Variants in ZNF385D observed in about 807,000 individuals in gnomAD.
ZNF385D encodes zinc finger protein 385D.
Under a neutral mutation model 35.8 loss-of-function variants are expected in ZNF385D, and 15 were observed. The observed-to-expected ratio is 0.42, with a 90% CI of 0.28 to 0.64. The LOEUF is 0.64. ZNF385D is among the 30% of genes least tolerant of loss of function. The probability of loss-of-function intolerance (pLI) is 0.23; values close to 1 mark genes in which losing one functional copy is unlikely to be tolerated. For missense variants in ZNF385D, 474 were observed against 494.6 expected, an observed-to-expected ratio of 0.96 and a Z score of 0.39; for synonymous variants, 212 against 186.8, an observed-to-expected ratio of 1.13 and a Z score of -1.10.
rs184526800 is a variant in ZNF385D at position 22,368,687 on chromosome 3, T to C, written c.106+3763A>G. On this transcript the variant is annotated intron_variant, in intron 2 of 5. Transcript: ENST00000494108. ...AAGGGTCCTCATCTCTTCCTCATCT[T>C]ATAAGAGCACTAATCCCATTACAGG... Among the ~76,000 whole-genome samples, 744 of 152,274 alleles carry C rather than the reference T, an allele frequency of 4.9e-3. 4 individuals are homozygous for C. The highest frequency in any genetic ancestry group is 7.7e-3 in the Non-Finnish European group (523 of 68,012).
At chr3:21,463,916 A>G (rs1703340728) in intron 4 of ZNF385D, among the ~76,000 whole-genome samples, 2 of 151,868 alleles carry the variant, frequency 1.3e-5, no homozygotes, top group African/African-American at 4.8e-5. Flanking sequence ...CATATGCAAC[A>G]GGAATAAGAA....
chr3:21,426,486 T>A (rs1701032669), intron 5 of ZNF385D, among the ~76,000 whole-genome samples: 1 of 152,222 alleles, frequency 6.6e-6, no homozygotes, highest in African/African-American at 2.4e-5. Flanking sequence ...ATACTGTTCA[T>A]AATGGCAGTT....
intron 2 of ZNF385D, among the ~76,000 whole-genome samples, chr3:21,625,895 T>A (rs73819365): frequency 6.6e-6 from 1 of 152,082 alleles, no homozygotes; most frequent in Non-Finnish European, 1.5e-5. Context: ...GATTTGAAAT[T>A]ATCATTCAAA....
chr3:21,992,760 A>C (rs986280242), intron 3 of ZNF385D, among the ~76,000 whole-genome samples: 1 of 152,190 alleles, frequency 6.6e-6, no homozygotes, highest in Non-Finnish European at 1.5e-5. Context: ...TGGCTGTTTC[A>C]TAATTGATTT....
chr3:21,885,279 T>A (rs1184519740), intron 3 of ZNF385D, among the ~76,000 whole-genome samples: 2 of 152,104 alleles, frequency 1.3e-5, no homozygotes, highest in East Asian at 3.8e-4. Flanking sequence ...TCATTCTTCC[T>A]TTACTTGCTA....
intron 3 of ZNF385D, among the ~76,000 whole-genome samples, chr3:22,156,865 C>G (rs1010074271): frequency 1.3e-5 from 2 of 152,114 alleles, no homozygotes; most frequent in Non-Finnish European, 2.9e-5. Flanking sequence ...CAGAGAAACA[C>G]TCTACTTCTC....
At chr3:21,694,442 A>G (rs2067399337) in intron 1 of ZNF385D, among the ~76,000 whole-genome samples, 4 of 152,172 alleles carry the variant, frequency 2.6e-5, no homozygotes. Flanking sequence ...GAAGGAGCTC[A>G]GGTTAGGGGA....
In ZNF385D at chr3:21,816,171, G is replaced by T. The variant is rs2073140478; in HGVS notation, c.326-151143C>A. Among the ~76,000 whole-genome samples the T allele has an allele frequency of 2.0e-5, 3 of 152,096 alleles. No homozygotes were observed. In the South Asian group the frequency reaches 6.2e-4, roughly 32 times the overall value. On this transcript the variant is annotated intron_variant, in intron 3 of 5. Transcript: ENST00000494108. ...CTCTCAATAAACTAGGTATTGATGG[G>T]ACGTATCTCAAAATAATAAGAGCTA...
chr3:21,808,968 T>C (rs577726258), intron 3 of ZNF385D, among the ~76,000 whole-genome samples: 52 of 152,296 alleles, frequency 3.4e-4, no homozygotes, highest in African/African-American at 1.2e-3. Context: ...AGGAAGGGCA[T>C]GCATTCTAAA....
chr3:21,452,870 T>C (rs913940259), intron 4 of ZNF385D, among the ~76,000 whole-genome samples: 5 of 151,798 alleles, frequency 3.3e-5, no homozygotes, highest in Non-Finnish European at 5.9e-5. Flanking sequence ...AAAATGTATA[T>C]AAAAATAAAG....
intron 3 of ZNF385D, among the ~76,000 whole-genome samples, chr3:22,161,411 A>ATAATCTT (rs1205997905): frequency 1.3e-5 from 2 of 152,108 alleles, no homozygotes; most frequent in Admixed American, 1.3e-4. Context: ...CAGCAGAAAA[A>ATAATCTT]TAATCTTTAT....
At chr3:21,814,088 C>A (rs1001989716) in intron 3 of ZNF385D, among the ~76,000 whole-genome samples, 1 of 152,116 alleles carries the variant, frequency 6.6e-6, no homozygotes, top group Non-Finnish European at 1.5e-5. Flanking sequence ...AATTTCATAT[C>A]CAGCCAAACT....
intron 2 of ZNF385D, among the ~76,000 whole-genome samples, chr3:21,649,075 T>A (rs1473731891): frequency 1.3e-5 from 2 of 152,188 alleles, no homozygotes; most frequent in Non-Finnish European, 1.5e-5. Context: ...ATACTCAATA[T>A]GTGGTCTGTG....
In ZNF385D at chr3:22,125,189, T is replaced by C. The variant is rs534472501; in HGVS notation, c.325+43628A>G. Among the ~76,000 whole-genome samples, 57 of 152,286 alleles carry C rather than the reference T, an allele frequency of 3.7e-4. 1 individual carries two copies. The South Asian group carries it at 4.8e-3, about 13-fold the overall frequency. On this transcript the variant is annotated intron_variant, in intron 3 of 5. Transcript: ENST00000494108. ...AAGAGACTATCCTTTTCCCAATGTA[T>C]GTTCTTGGCACCTTTGTTAAAAATG...
At position 21,604,650 on chromosome 3, in the gene ZNF385D, C is replaced by A. The variant is rs143692941; in HGVS notation, c.166-39966G>T. On this transcript the variant is annotated intron_variant, in intron 2 of 7. Transcript: ENST00000281523. ...GAAATGAGGTGAGGCCTGAGAATAG[C>A]GGTTCTGGTGATGAGCAGATGAACT... Among the ~76,000 whole-genome samples the A allele has an allele frequency of 3.9e-3, 598 of 152,124 alleles. 7 individuals carry two copies. The highest frequency in any genetic ancestry group is 0.014 in the African/African-American group (566 of 41,502).
At chr3:21,852,255 C>T (rs1696428305) in intron 3 of ZNF385D, among the ~76,000 whole-genome samples, 1 of 151,854 alleles carries the variant, frequency 6.6e-6, no homozygotes, top group Non-Finnish European at 1.5e-5. Context: ...TTGGGTTGCA[C>T]ATCTCTAAGG....
At chr3:21,998,004 A>T (rs1265595574) in intron 3 of ZNF385D, among the ~76,000 whole-genome samples, 2 of 152,042 alleles carry the variant, frequency 1.3e-5, no homozygotes, top group Non-Finnish European at 2.9e-5. Context: ...GATGTAGCAA[A>T]GAAACCAGCC....
intron 3 of ZNF385D, among the ~76,000 whole-genome samples, chr3:21,759,002 A>AAC: frequency 7.9e-6 from 1 of 125,924 alleles, no homozygotes; most frequent in South Asian, 2.4e-4. Context: ...AAAAAAAAAA[A>AAC]AAAACAGTGG....
At chr3:22,155,354 T>C (rs1191319741) in intron 3 of ZNF385D, among the ~76,000 whole-genome samples, 1 of 152,102 alleles carries the variant, frequency 6.6e-6, no homozygotes, top group African/African-American at 2.4e-5. Flanking sequence ...TCCCTGATGC[T>C]TGTATTAGTG....
Sources: gnomAD v4.1 joint callset for allele counts (sites outside exome capture counted in the v4.1 genomes callset) on GRCh38, gnomAD v4.1.1 for gene constraint, MANE v1.5 for transcripts, NCBI Gene and HGNC (gene_info 2026-07-23, HGNC 2026-07-21) for gene names.